CADPS: variants seen among roughly 807,000 people sequenced by gnomAD.
CADPS encodes calcium dependent secretion activator, also known as calcium-dependent secretion activator 1.
A neutral mutation model predicts 167.3 loss-of-function variants in CADPS; 57 were observed. That is an observed-to-expected ratio of 0.34 (90% confidence interval 0.28 to 0.42). The LOEUF is 0.42. CADPS is among the 20% of genes least tolerant of loss of function. The pLI is 1.00. For synonymous variants in CADPS, 676 were observed against 635.3 expected (o/e 1.06, Z -0.96); for missense variants, 1,414 against 1,738.1 (o/e 0.81, Z 3.32).
In CADPS at chr3:62,753,596, A is replaced by G; in HGVS notation, c.733T>C (p.Tyr245His). 1.2e-6 allele frequency: 2 copies of G among 1,614,204 alleles called. No individual in the cohort carries two copies. Among genetic ancestry groups the G allele is most frequent in the Non-Finnish European group, 1.7e-6 (2 of 1,180,030 alleles). ...TTCCGCGGGTCCTCTTCTCCACGGT[A>G]GATGGCATCAAATTTGGCCATCCAG... is the stretch of plus-strand genomic sequence containing the variant. ...SSWMAKFDAI[Y>H]RGEEDPRKQQ... The change falls in exon 3 of 30, where the codon TAC becomes CAC. Residue 245 changes from tyrosine to histidine, a missense_variant. Physicochemically the swap from Tyr to His is moderately conservative, Grantham distance 83. Coordinates refer to ENST00000383710, the MANE Select transcript of CADPS (RefSeq NM_003716.4). This position sits in a 1 kb window ranked among gnomAD's most constrained non-coding sequence, Gnocchi z 4.6.
At chr3:62,668,760 T>C (rs889406336) in intron 3 of CADPS, among the ~76,000 whole-genome samples, 3 of 152,170 alleles carry the variant, frequency 2.0e-5, no homozygotes, top group African/African-American at 7.2e-5. Context: ...ACGTAGGTGC[T>C]ACTTGTACAT....
intron 28 of CADPS, among the ~76,000 whole-genome samples, chr3:62,437,190 A>T (rs1388760659): frequency 6.6e-6 from 1 of 152,198 alleles, no homozygotes; most frequent in Non-Finnish European, 1.5e-5. Context: ...TCAGAGCCAC[A>T]GGGAGACAAG....
intron 9 of CADPS, among the ~76,000 whole-genome samples, chr3:62,568,169 G>A (rs2080628654): frequency 6.6e-6 from 1 of 152,196 alleles, no homozygotes; most frequent in South Asian, 2.1e-4. Flanking sequence ...GACCACACTA[G>A]CAGCACTGGC....
intron 1 of CADPS, among the ~76,000 whole-genome samples, chr3:62,820,823 T>A (rs2094879878): frequency 6.9e-6 from 1 of 144,444 alleles, no homozygotes; most frequent in Non-Finnish European, 1.5e-5. Context: ...TCTTTTCGAG[T>A]CAGAGTCTTG....
In CADPS at chr3:62,448,104, G is replaced by A. The variant is rs892408951; in HGVS notation, c.3637-2307C>T. ...GGCAGAGAAGCCAAGACTCCTATGC[G>A]GTCATCTGAGCCCAACTTTCTCCCT... On this transcript the variant is annotated intron_variant, in intron 26 of 29. Transcript: ENST00000383710. Among the ~76,000 whole-genome samples the A allele has an allele frequency of 4.6e-5, 7 of 152,100 alleles. No homozygotes were observed. In the East Asian group the frequency reaches 9.7e-4, roughly 21 times the overall value.
chr3:62,622,196 T>C (rs2063304033), intron 6 of CADPS, among the ~76,000 whole-genome samples: 2 of 152,134 alleles, frequency 1.3e-5, no homozygotes, highest in South Asian at 4.1e-4. Flanking sequence ...GAGTGGGCCC[T>C]CCTGGTATCT....
intron 13 of CADPS, among the ~76,000 whole-genome samples, chr3:62,521,385 A>G (rs915693638): frequency 3.3e-5 from 5 of 152,174 alleles, no homozygotes; most frequent in African/African-American, 4.8e-5. Flanking sequence ...TGGCATTTGT[A>G]TTGTTTACAA....
chr3:62,511,561 A>G (rs950840365), intron 17 of CADPS, among the ~76,000 whole-genome samples: 1 of 152,184 alleles, frequency 6.6e-6, no homozygotes, highest in African/African-American at 2.4e-5. Context: ...TTTATTAGCT[A>G]TCTGGCTTTA....
chr3:62,476,909 C>T (rs921013539), intron 23 of CADPS, among the ~76,000 whole-genome samples: 2 of 151,990 alleles, frequency 1.3e-5, no homozygotes, highest in African/African-American at 4.8e-5. Flanking sequence ...TCTAGGAGAT[C>T]GTGGAATTCA....
intron 3 of CADPS, among the ~76,000 whole-genome samples, chr3:62,736,600 C>T (rs181296139): frequency 3.9e-5 from 6 of 152,066 alleles, no homozygotes; most frequent in African/African-American, 1.2e-4. Context: ...TAGAATAAAC[C>T]TAAGGAAAGT....
intron 9 of CADPS, among the ~76,000 whole-genome samples, chr3:62,567,312 G>T (rs949356526): frequency 1.3e-5 from 2 of 151,978 alleles, no homozygotes; most frequent in Non-Finnish European, 2.9e-5. Context: ...ACCACCCAAG[G>T]TATTGCCTGA....
intron 1 of CADPS, among the ~76,000 whole-genome samples, chr3:62,830,091 A>T (rs77994365): frequency 3.9e-5 from 6 of 152,154 alleles, no homozygotes; most frequent in African/African-American, 1.4e-4. Context: ...GCTTAGCTCT[A>T]TGAAGACTCC....
At chr3:62,456,826 A>G (rs1576320491) in intron 26 of CADPS, among the ~76,000 whole-genome samples, 1 of 152,150 alleles carries the variant, frequency 6.6e-6, no homozygotes, top group East Asian at 1.9e-4. Context: ...GTGTTTGCCA[A>G]TTTCAGTAAA....
chr3:62,773,277 A>G (rs1168609368), intron 1 of CADPS, among the ~76,000 whole-genome samples: 1 of 152,110 alleles, frequency 6.6e-6, no homozygotes, highest in Non-Finnish European at 1.5e-5. Context: ...CATCTTAACC[A>G]AATATTTACT....
At chr3:62,860,785 A>G (rs757466160) in intron 1 of CADPS, among the ~76,000 whole-genome samples, 6 of 152,070 alleles carry the variant, frequency 3.9e-5, no homozygotes, top group Non-Finnish European at 8.8e-5. Flanking sequence ...TATGCAAATA[A>G]CTCTAACCAC....
chr3:62,583,161 C>CTCTCAT (rs1202819464), intron 8 of CADPS, among the ~76,000 whole-genome samples: 5 of 97,452 alleles, frequency 5.1e-5, no homozygotes, highest in Non-Finnish European at 1.1e-4. Context: ...CTTTGTCTCT[C>CTCTCAT]TCTCTCTCTC....
chr3:62,406,887 A>C (rs1478236501), intron 28 of CADPS, among the ~76,000 whole-genome samples: 1 of 152,158 alleles, frequency 6.6e-6, no homozygotes, highest in African/African-American at 2.4e-5. Flanking sequence ...TTTGCCACTT[A>C]ATTCTTCTTT....
At chr3:62,729,211 C>T (rs1238430440) in intron 3 of CADPS, among the ~76,000 whole-genome samples, 4 of 151,806 alleles carry the variant, frequency 2.6e-5, no homozygotes, top group Admixed American at 1.3e-4. Flanking sequence ...GGAGCCATTG[C>T]TCTCTCTCAA....
intron 3 of CADPS, among the ~76,000 whole-genome samples, chr3:62,669,761 A>G (rs1383354574): frequency 6.6e-6 from 1 of 152,192 alleles, no homozygotes; most frequent in Non-Finnish European, 1.5e-5. Flanking sequence ...GATCGATAAG[A>G]GATTAAATAA....
Sources: gnomAD v4.1 joint callset for allele counts (sites outside exome capture counted in the v4.1 genomes callset) on GRCh38, gnomAD v4.1.1 for gene constraint, Gnocchi (gnomAD v3.1) non-coding constraint, MANE v1.5 for transcripts, NCBI Gene and HGNC (gene_info 2026-07-23, HGNC 2026-07-21) for gene names.